The following VWC2L variants were observed in gnomAD, a reference collection of about 807,000 sequenced individuals.
The protein encoded by VWC2L is von Willebrand factor C domain containing 2 like.
Under a neutral mutation model 21.6 loss-of-function variants are expected in VWC2L, and 10 were observed. The ratio of observed to expected loss-of-function variants is 0.46; its 90% confidence interval spans 0.29 to 0.78. VWC2L has a LOEUF of 0.78. Ranked by LOEUF, VWC2L falls within the 30% of genes least tolerant of loss-of-function variation. The pLI is 0.10. For synonymous variants in VWC2L, 96 were observed against 94.3 expected, an observed-to-expected ratio of 1.02 and a Z score of -0.10; for missense variants, 209 against 277.1, an observed-to-expected ratio of 0.75 and a Z score of 1.74.
intron 3 of VWC2L, among the ~76,000 whole-genome samples, chr2:214,529,830 G>A (rs1689405187): frequency 6.6e-6 from 1 of 152,114 alleles, no homozygotes; most frequent in African/African-American, 2.4e-5. Flanking sequence ...AGTCATCTAT[G>A]CGCATCTGTT....
chr2:214,494,715 G>T (rs1688788130), intron 3 of VWC2L, among the ~76,000 whole-genome samples: 1 of 151,850 alleles, frequency 6.6e-6, no homozygotes, highest in South Asian at 2.1e-4. Context: ...CTCAAGACTT[G>T]AATGTACTTA....
intron 3 of VWC2L, among the ~76,000 whole-genome samples, chr2:214,454,826 T>A (rs560856724): frequency 3.3e-5 from 5 of 152,034 alleles, no homozygotes; most frequent in African/African-American, 1.2e-4. Flanking sequence ...ATGGTCTTGA[T>A]TTCCTGACCT....
rs755000739 is a variant in VWC2L at position 214,414,631 on chromosome 2, C to T, written c.390+48C>T. ...ATTGAAATATCAACTTTTCATACCA[C>T]GTGCTTAGTACATTGCTACATTAAA... On this transcript the variant is annotated intron_variant, in intron 2 of 3. Transcript: ENST00000312504. 6.5e-5 allele frequency: 103 copies of T among 1,577,862 alleles called. 1 individual carries two copies. The South Asian group carries it at 9.9e-4, about 15-fold the overall frequency.
chr2:214,434,051 G>A (rs563950397), intron 2 of VWC2L, among the ~76,000 whole-genome samples: 18 of 152,272 alleles, frequency 1.2e-4, no homozygotes, highest in Admixed American at 3.3e-4. Context: ...AAGGGATGGC[G>A]TACAGTACAT....
chr2:214,462,075 G>C (rs1056071150), intron 3 of VWC2L, among the ~76,000 whole-genome samples: 31 of 152,208 alleles, frequency 2.0e-4, no homozygotes, highest in African/African-American at 7.2e-4. Context: ...GGAATGTGGA[G>C]AAGCTATTGG....
intron 3 of VWC2L, among the ~76,000 whole-genome samples, chr2:214,549,982 C>T (rs1297049760): frequency 1.3e-5 from 2 of 152,018 alleles, no homozygotes; most frequent in East Asian, 3.8e-4. Context: ...AAGATTTTAC[C>T]TTCCAGCATC....
chr2:214,455,309 C>T (rs1006136788), intron 3 of VWC2L, among the ~76,000 whole-genome samples: 1 of 152,054 alleles, frequency 6.6e-6, no homozygotes, highest in Non-Finnish European at 1.5e-5. Context: ...AAGAATTATA[C>T]CATTTTATCT....
intron 3 of VWC2L, among the ~76,000 whole-genome samples, chr2:214,558,815 T>A (rs934181314): frequency 3.4e-5 from 5 of 147,400 alleles, no homozygotes; most frequent in African/African-American, 1.3e-4. Flanking sequence ...ATAGTTTTGT[T>A]TTTTTTTTTT....
At chr2:214,575,596 G>A in intron 3 of VWC2L, 76 bp from the exon 4 acceptor site, 7 of 1,542,228 alleles carry the variant, frequency 4.5e-6, no homozygotes, top group Non-Finnish European at 6.2e-6. Flanking sequence ...ATGGCTTTGG[G>A]GCTTGGGTTT....
chr2:214,521,847 A>C (rs768361607), intron 3 of VWC2L, among the ~76,000 whole-genome samples: 6 of 152,226 alleles, frequency 3.9e-5, no homozygotes, highest in Non-Finnish European at 8.8e-5. Flanking sequence ...ATGAGCAAAA[A>C]AGTAGCGACA....
At chr2:214,481,101 C>T (rs1387727494) in intron 3 of VWC2L, among the ~76,000 whole-genome samples, 1 of 152,096 alleles carries the variant, frequency 6.6e-6, no homozygotes, top group Non-Finnish European at 1.5e-5. Flanking sequence ...TAGGGATTCA[C>T]CATAATAACA....
chr2:214,538,695 T>G (rs889578334), intron 3 of VWC2L, among the ~76,000 whole-genome samples: 25 of 151,540 alleles, frequency 1.6e-4, no homozygotes, highest in African/African-American at 5.1e-4. Context: ...ATAATTTTGC[T>G]AAAGGAGAAG....
At chr2:214,554,700 T>C (rs1362643923) in intron 3 of VWC2L, among the ~76,000 whole-genome samples, 2 of 151,876 alleles carry the variant, frequency 1.3e-5, no homozygotes, top group Non-Finnish European at 2.9e-5. Flanking sequence ...GCAAAACAAA[T>C]TCAGGCAAAA....
intron 3 of VWC2L, among the ~76,000 whole-genome samples, chr2:214,454,129 CGTT>C (rs1292558750): frequency 1.3e-5 from 2 of 151,564 alleles, no homozygotes; most frequent in Non-Finnish European, 2.9e-5. Flanking sequence ...GGTTCTGAAA[CGTT>C]GTTAAACTCA....
At chr2:214,476,460 A>G (rs1256879098) in intron 3 of VWC2L, among the ~76,000 whole-genome samples, 2 of 152,202 alleles carry the variant, frequency 1.3e-5, no homozygotes, top group Non-Finnish European at 2.9e-5. Flanking sequence ...TCAAGTACAA[A>G]TGACAATGAT....
chr2:214,442,426 C>A (rs1054266023), intron 3 of VWC2L, among the ~76,000 whole-genome samples: 4 of 152,036 alleles, frequency 2.6e-5, no homozygotes, highest in Admixed American at 6.5e-5. Context: ...TCACAAAATA[C>A]AAAAATTATT....
At chr2:214,516,207 A>C (rs1171782416) in intron 3 of VWC2L, among the ~76,000 whole-genome samples, 1 of 150,658 alleles carries the variant, frequency 6.6e-6, no homozygotes, top group African/African-American at 2.4e-5. Flanking sequence ...GCTCCCTCCC[A>C]CCCGCTGCAT....
At chr2:214,570,939 C>T (rs557259332) in intron 3 of VWC2L, among the ~76,000 whole-genome samples, 10 of 152,268 alleles carry the variant, frequency 6.6e-5, no homozygotes, top group African/African-American at 2.4e-4. Context: ...TGTCCAGCAG[C>T]AGTGAGAACT....
At chr2:214,414,825 C>T (rs1172143707) in intron 2 of VWC2L, 2 of 487,330 alleles carry the variant, frequency 4.1e-6, no homozygotes, top group Non-Finnish European at 3.6e-6. Context: ...TGGGGCATAC[C>T]TAACACCTTT....
Sources: gnomAD v4.1 joint callset for allele counts (sites outside exome capture counted in the v4.1 genomes callset) on GRCh38, gnomAD v4.1.1 for gene constraint, MANE v1.5 for transcripts, NCBI Gene and HGNC (gene_info 2026-07-23, HGNC 2026-07-21) for gene names.